Variants in RANBP17 observed in about 807,000 individuals in gnomAD.
The protein encoded by RANBP17 is RAN binding protein 17, also known as ran-binding protein 17.
A neutral mutation model predicts 141.2 loss-of-function variants in RANBP17; 158 were observed. That is an observed-to-expected ratio of 1.12 (90% CI 0.98 to 1.28). The LOEUF is 1.28. Among genes scored for constraint, RANBP17 ranks in the 50% most tolerant of loss-of-function variants. The pLI is 0.00. For synonymous variants in RANBP17, 430 were observed against 450.0 expected (o/e 0.96, Z 0.56); for missense variants, 1,438 against 1,290.7 (o/e 1.11, Z -1.75).
intron 9 of RANBP17, among the ~76,000 whole-genome samples, chr5:170,916,960 C>T (rs1358704017): frequency 6.6e-6 from 1 of 152,148 alleles, no homozygotes; most frequent in Non-Finnish European, 1.5e-5. Flanking sequence ...AAATGATCCA[C>T]CTGCCTCGGC....
intron 14 of RANBP17, among the ~76,000 whole-genome samples, chr5:171,114,923 T>G (rs1023079695): frequency 2.0e-5 from 3 of 151,754 alleles, no homozygotes; most frequent in Non-Finnish European, 4.4e-5. Context: ...AAACCAGCCA[T>G]GGCAATTTAG....
At chr5:171,046,598 T>C (rs1782607846) in intron 14 of RANBP17, among the ~76,000 whole-genome samples, 1 of 152,210 alleles carries the variant, frequency 6.6e-6, no homozygotes, top group Non-Finnish European at 1.5e-5. Context: ...GATATATTTT[T>C]TTAAATTATC....
At chr5:171,139,751 A>G (rs1324733592) in intron 14 of RANBP17, among the ~76,000 whole-genome samples, 2 of 152,046 alleles carry the variant, frequency 1.3e-5, no homozygotes, top group African/African-American at 4.8e-5. Flanking sequence ...ACCTTCGCCC[A>G]CTTTCAGCCT....
intron 14 of RANBP17, among the ~76,000 whole-genome samples, chr5:171,133,209 G>T (rs948182951): frequency 2.6e-5 from 4 of 152,114 alleles, no homozygotes; most frequent in African/African-American, 9.7e-5. Context: ...AATAAATTAA[G>T]CTAACATGTT....
chr5:171,110,140 A>G (rs1755121201), intron 14 of RANBP17, among the ~76,000 whole-genome samples: 1 of 151,860 alleles, frequency 6.6e-6, no homozygotes, highest in Non-Finnish European at 1.5e-5. Flanking sequence ...ATAGTGTGTA[A>G]GGCCTGACTG....
chr5:171,026,900 A>C (rs1435966258), intron 14 of RANBP17, among the ~76,000 whole-genome samples: 9 of 152,176 alleles, frequency 5.9e-5, no homozygotes, highest in Non-Finnish European at 1.5e-5. Flanking sequence ...ACTACATGGC[A>C]GGAGGTGAGC....
chr5:171,038,757 TC>T (rs1374462842), intron 14 of RANBP17, among the ~76,000 whole-genome samples: 4 of 152,208 alleles, frequency 2.6e-5, no homozygotes, highest in Non-Finnish European at 5.9e-5. Flanking sequence ...ACATGGTGAA[TC>T]ATATTTATTG....
chr5:171,275,527 C>T (rs1267294231), intron 25 of RANBP17, among the ~76,000 whole-genome samples: 1 of 152,096 alleles, frequency 6.6e-6, no homozygotes, highest in Admixed American at 6.6e-5. Context: ...AAAAATTAGC[C>T]ACAATGTGCT....
At chr5:171,040,732 A>T (rs1041442209) in intron 14 of RANBP17, among the ~76,000 whole-genome samples, 1 of 152,166 alleles carries the variant, frequency 6.6e-6, no homozygotes, top group Non-Finnish European at 1.5e-5. Context: ...AAGAGAGGGA[A>T]TAAGTTAAAA....
chr5:171,087,115 C>T (rs1257669161), intron 14 of RANBP17, among the ~76,000 whole-genome samples: 3 of 142,376 alleles, frequency 2.1e-5, no homozygotes, highest in Non-Finnish European at 4.6e-5. Context: ...CTATAAATTT[C>T]CCTCTACACA....
intron 16 of RANBP17, among the ~76,000 whole-genome samples, chr5:171,176,379 A>G (rs1760483472): frequency 6.6e-6 from 1 of 152,142 alleles, no homozygotes; most frequent in Admixed American, 6.6e-5. Context: ...ACATTTAGTA[A>G]GACTAAAATA....
chr5:170,939,416 G>A (rs1201665002), intron 12 of RANBP17, among the ~76,000 whole-genome samples: 2 of 150,914 alleles, frequency 1.3e-5, no homozygotes, highest in African/African-American at 4.9e-5. Context: ...ATGCAGTCTT[G>A]CCCTGTCAAC....
intron 22 of RANBP17, among the ~76,000 whole-genome samples, chr5:171,226,173 G>A (rs920316685): frequency 1.3e-5 from 2 of 152,186 alleles, no homozygotes; most frequent in Admixed American, 6.5e-5. Context: ...TGCATGCAGT[G>A]TAATAAATGT....
chr5:171,271,244 A>G (rs1048728572), intron 25 of RANBP17: 1 of 213,546 alleles, frequency 4.7e-6, no homozygotes, highest in African/African-American at 2.3e-5. Context: ...GTCAATGAAA[A>G]TTGCTTTTGT....
At chr5:170,920,082 T>G (rs1039522020) in intron 11 of RANBP17, among the ~76,000 whole-genome samples, 2 of 152,162 alleles carry the variant, frequency 1.3e-5, no homozygotes, top group Non-Finnish European at 2.9e-5. Context: ...TTTGAGTTGT[T>G]TATGTTTTTG....
intron 18 of RANBP17, among the ~76,000 whole-genome samples, chr5:171,190,542 A>G (rs1761557880): frequency 6.6e-6 from 1 of 152,176 alleles, no homozygotes; most frequent in Non-Finnish European, 1.5e-5. Flanking sequence ...AAAAAAATGG[A>G]TGACCAACCA....
chr5:171,070,168 C>G (rs982658809), intron 14 of RANBP17, among the ~76,000 whole-genome samples: 1 of 152,072 alleles, frequency 6.6e-6, no homozygotes, highest in Non-Finnish European at 1.5e-5. Flanking sequence ...TTCAATAGGA[C>G]AGATTATCTG....
chr5:171,115,405 CTATG>C (rs1441026536), intron 14 of RANBP17, among the ~76,000 whole-genome samples: 2 of 152,020 alleles, frequency 1.3e-5, no homozygotes, highest in Non-Finnish European at 2.9e-5. Context: ...ATAATATTGT[CTATG>C]TATATAGTGG....
At chr5:170,879,892 A>T (rs1012655626) in intron 2 of RANBP17, among the ~76,000 whole-genome samples, 22 of 152,200 alleles carry the variant, frequency 1.4e-4, no homozygotes, top group African/African-American at 5.3e-4. Flanking sequence ...ACAAAAGTGA[A>T]TGAAGTCCAC....
Sources: allele counts gnomAD v4.1 joint callset (sites outside exome capture counted in the v4.1 genomes callset), GRCh38; gene constraint gnomAD v4.1.1; transcripts MANE v1.5; gene names NCBI Gene and HGNC (gene_info 2026-07-23, HGNC 2026-07-21).